The following ARHGEF10 variants were observed in gnomAD, a reference collection of about 807,000 sequenced individuals.
ARHGEF10 encodes Rho guanine nucleotide exchange factor 10.
In ARHGEF10, 140 loss-of-function variants were observed where a neutral mutation model predicts 147.4. That is an observed-to-expected ratio of 0.95 (90% CI 0.83 to 1.09). The LOEUF (loss-of-function observed/expected upper bound fraction) is 1.09. ARHGEF10 is among the 50% of genes least tolerant of loss of function. The pLI, the probability that ARHGEF10 is intolerant of heterozygous loss-of-function variation, is 0.00. For synonymous variants in ARHGEF10, 902 were observed against 695.8 expected, an observed-to-expected ratio of 1.30 and a Z score of -4.67; for missense variants, 2,222 against 1,752.7, an observed-to-expected ratio of 1.27 and a Z score of -4.78.
intron 11 of ARHGEF10, among the ~76,000 whole-genome samples, chr8:1,888,080 A>T (rs1808860668): frequency 7.5e-6 from 1 of 133,750 alleles, no homozygotes; most frequent in African/African-American, 2.9e-5. Context: ...GTTTATGAGG[A>T]GACACTAGGT....
intron 27 of ARHGEF10, chr8:1,945,922 A>T: frequency 2.8e-5 from 1 of 36,042 alleles, no homozygotes; most frequent in African/African-American, 1.2e-4. Flanking sequence ...GCCGCGTGGC[A>T]GTGCCATCTC....
chr8:1,938,313 G>C (rs1314927734), intron 26 of ARHGEF10, among the ~76,000 whole-genome samples: 5 of 152,194 alleles, frequency 3.3e-5, no homozygotes, highest in African/African-American at 1.2e-4. Flanking sequence ...GGGGGGCGTT[G>C]CCTGGACAGG....
intron 2 of ARHGEF10, among the ~76,000 whole-genome samples, chr8:1,844,437 G>GGGGCCTGGTA (rs1563165671): frequency 6.2e-5 from 7 of 113,768 alleles, no homozygotes; most frequent in Non-Finnish European, 9.7e-5. Context: ...GGGGCCTGCT[G>GGGGCCTGGTA]GACGACAGAG....
intron 1 of ARHGEF10, among the ~76,000 whole-genome samples, chr8:1,838,215 G>T (rs1803708749): frequency 6.6e-6 from 1 of 152,226 alleles, no homozygotes; most frequent in Non-Finnish European, 1.5e-5. Context: ...CAGCGATCCT[G>T]ATGCGTGAGG....
chr8:1,915,855 C>T (rs1010028437), intron 18 of ARHGEF10, among the ~76,000 whole-genome samples: 1 of 152,234 alleles, frequency 6.6e-6, no homozygotes, highest in Non-Finnish European at 1.5e-5. Flanking sequence ...AATACTCATT[C>T]TCATTCCTAA....
chr8:1,898,337 T>G (rs1001661198), intron 14 of ARHGEF10, 96 bp from the exon 15 acceptor site: 1 of 1,076,486 alleles, frequency 9.3e-7, no homozygotes, highest in African/African-American at 1.6e-5. Flanking sequence ...CTTTTGACTT[T>G]CCCGAGTGTT....
At chr8:1,862,072 C>T (rs952101347) in intron 4 of ARHGEF10, among the ~76,000 whole-genome samples, 7 of 152,192 alleles carry the variant, frequency 4.6e-5, no homozygotes, top group Admixed American at 6.5e-5. Context: ...TCTCCGGTTG[C>T]GTTTTGATCA....
intron 1 of ARHGEF10, among the ~76,000 whole-genome samples, chr8:1,832,415 GACAGAGAGAGACAGAGGCAGACAGA>G: frequency 8.0e-6 from 1 of 125,540 alleles, no homozygotes; most frequent in African/African-American, 3.0e-5. Context: ...CAGAGGCAGA[GACAGAGAGAGACAGAGGCAGACAGA>G]GGCAGAGACA....
chr8:1,864,521 G>A, intron 5 of ARHGEF10, 85 bp downstream of exon 5: 2 of 1,397,928 alleles, frequency 1.4e-6, no homozygotes, highest in Non-Finnish European at 1.0e-6. Flanking sequence ...GTGTGTCCCT[G>A]CCCGCCATCC....
At chr8:1,892,736 C>A (rs1365533303) in intron 11 of ARHGEF10, among the ~76,000 whole-genome samples, 1 of 151,856 alleles carries the variant, frequency 6.6e-6, no homozygotes, top group Non-Finnish European at 1.5e-5. Context: ...GTGGTGTGCC[C>A]GGGCGTGTGT....
At chr8:1,889,712 GACCC>G in intron 11 of ARHGEF10, among the ~76,000 whole-genome samples, 1 of 109,234 alleles carries the variant, frequency 9.2e-6, no homozygotes, top group East Asian at 3.1e-4. Flanking sequence ...TTTGTGAGGA[GACCC>G]TGAGTGGAGT....
At chr8:1,873,700 C>T (rs1485807290) in intron 7 of ARHGEF10, among the ~76,000 whole-genome samples, 2 of 146,290 alleles carry the variant, frequency 1.4e-5, no homozygotes, top group African/African-American at 5.0e-5. Flanking sequence ...TGAGCGGTGC[C>T]CGCGGGGTAG....
At chr8:1,885,016 C>T (rs969434866) in intron 10 of ARHGEF10, among the ~76,000 whole-genome samples, 2 of 152,186 alleles carry the variant, frequency 1.3e-5, no homozygotes, top group Non-Finnish European at 2.9e-5. Context: ...TCTACCATCT[C>T]GGTCTCCCAA....
At chr8:1,861,808 C>A (rs977624176) in intron 4 of ARHGEF10, among the ~76,000 whole-genome samples, 12 of 152,116 alleles carry the variant, frequency 7.9e-5, no homozygotes, top group Non-Finnish European at 1.6e-4. Flanking sequence ...AGCATGAGAA[C>A]CCCCTGGAAA....
rs781236383 is a variant in ARHGEF10 at position 1,909,485 on chromosome 8, C to T, written c.2143+15C>T. On this transcript the variant is annotated intron_variant, in intron 18 of 28. Transcript: ENST00000349830. Reference sequence around the variant, plus strand: ...CGCGAAACCAAGTAAGTGATGCTTTCTCTCACGTTCGTGCCGTGGGGCCAG... The same window carrying T: ...CGCGAAACCAAGTAAGTGATGCTTTTTCTCACGTTCGTGCCGTGGGGCCAG... 6 of 1,613,472 alleles carry T rather than the reference C, an allele frequency of 3.7e-6. No homozygotes were observed. In the South Asian group the frequency reaches 5.5e-5, roughly 15 times the overall value.
intron 17 of ARHGEF10, among the ~76,000 whole-genome samples, chr8:1,908,454 A>T (rs548867056): frequency 6.6e-6 from 1 of 152,032 alleles, no homozygotes; most frequent in Non-Finnish European, 1.5e-5. Flanking sequence ...GGATGGTCTC[A>T]ATCTCCTGAC....
chr8:1,824,485 C>T (rs1802614286), intron 1 of ARHGEF10, among the ~76,000 whole-genome samples: 1 of 152,028 alleles, frequency 6.6e-6, no homozygotes, highest in South Asian at 2.1e-4. Flanking sequence ...GAGAAGAATG[C>T]GGTCCGCCTC....
chr8:1,945,817 A>C (rs1252572452), intron 27 of ARHGEF10, 162 bp downstream of exon 27: 1 of 1,098,590 alleles, frequency 9.1e-7, no homozygotes, highest in African/African-American at 1.6e-5. Context: ...CAGACGTGGG[A>C]GTACGGAGCA....
chr8:1,860,322 C>T (rs1179433804), intron 4 of ARHGEF10, 138 bp downstream of exon 4: 10 of 1,158,642 alleles, frequency 8.6e-6, no homozygotes, highest in South Asian at 1.4e-5. Flanking sequence ...GCCTGACCTT[C>T]CCCCCTCCTC....
Sources: allele counts gnomAD v4.1 joint callset (sites outside exome capture counted in the v4.1 genomes callset), GRCh38; gene constraint gnomAD v4.1.1; transcripts MANE v1.5; gene names NCBI Gene and HGNC (gene_info 2026-07-23, HGNC 2026-07-21).